SRPK1: variants seen among roughly 807,000 people sequenced by gnomAD.
SRPK1 encodes SRSF protein kinase 1.
A neutral mutation model predicts 89.5 loss-of-function variants in SRPK1; 52 were observed. That is an observed-to-expected ratio of 0.58 (90% CI 0.46 to 0.73). The LOEUF is 0.73. Ranked by LOEUF, SRPK1 falls within the 30% of genes least tolerant of loss-of-function variation. SRPK1 has a pLI of 0.00. For missense variants in SRPK1, 603 were observed against 780.6 expected (o/e 0.77, Z 2.71); for synonymous variants, 255 against 270.2 (o/e 0.94, Z 0.55).
At chr6:35,876,407 CAGAT>C (rs1770158860) in intron 6 of SRPK1, among the ~76,000 whole-genome samples, 1 of 152,146 alleles carries the variant, frequency 6.6e-6, no homozygotes, top group South Asian at 2.1e-4. Context: ...GAGGCCGAGA[CAGAT>C]AGATCCCTTG....
At chr6:35,884,406 G>C (rs924163290) in intron 6 of SRPK1, among the ~76,000 whole-genome samples, 1 of 152,170 alleles carries the variant, frequency 6.6e-6, no homozygotes, top group African/African-American at 2.4e-5. Flanking sequence ...TAGTGGTCCA[G>C]AGAAAAAAAC....
At position 35,842,595 on chromosome 6, in the gene SRPK1, G is replaced by A. The variant is rs749325498; in HGVS notation, c.1630C>T (p.Leu544=). 10 of 1,604,534 alleles carry A rather than the reference G, an allele frequency of 6.2e-6. No homozygotes were observed. In the South Asian group the frequency reaches 1.0e-4, roughly 16 times the overall value. The change falls in exon 14 of 16, where the codon CTG becomes TTG. Residue 544 remains leucine, a synonymous_variant. Coordinates refer to ENST00000373825, the MANE Select transcript of SRPK1 (RefSeq NM_003137.5). ...IWSTACMAFE[L]ATGDYLFEPH... is the part of the protein sequence containing the mutation. ...TCAAACAAATAGTCACCTGTGGCCA[G>A]TTCAAAGGCCTAAAAAAAAAAGAGG...
intron 2 of SRPK1, among the ~76,000 whole-genome samples, chr6:35,897,128 T>TAG (rs1036776853): frequency 2.7e-4 from 41 of 152,162 alleles, no homozygotes; most frequent in African/African-American, 9.9e-4. Flanking sequence ...GCTCTAAACT[T>TAG]AGATCATGGT....
rs1769120482 is a variant in SRPK1 at position 35,834,040 on chromosome 6, A to G, written c.*1264T>C. 1 of 152,634 alleles carries G rather than the reference A, an allele frequency of 6.6e-6. No individual in the cohort carries two copies. The highest frequency in any genetic ancestry group is 2.4e-5 in the African/African-American group (1 of 41,446). 9.5% of individuals were successfully genotyped at this position (152,634 alleles called of 1,614,324 possible). A position where few individuals can be genotyped will look rare whatever the true frequency, so the allele number is the denominator to read the frequency against. Reference sequence around the variant, plus strand: ...AAAAAAAATTGCAAAGTCTTTTCTCAATTAAAACAAAAAAGCCTCAAGTAC... The same window carrying G: ...AAAAAAAATTGCAAAGTCTTTTCTCGATTAAAACAAAAAAGCCTCAAGTAC... On this transcript the variant is annotated 3_prime_UTR_variant, in exon 16 of 16. Coordinates refer to ENST00000373825, the MANE Select transcript of SRPK1 (RefSeq NM_003137.5).
At chr6:35,870,552 T>C in intron 9 of SRPK1, 58 bp from the exon 10 acceptor site, 3 of 1,437,604 alleles carry the variant, frequency 2.1e-6, no homozygotes, top group Non-Finnish European at 2.8e-6. Flanking sequence ...TACCCCCAGT[T>C]GGAGATAGTT....
chr6:35,906,495 G>C (rs1001970673), intron 2 of SRPK1, among the ~76,000 whole-genome samples: 1 of 152,180 alleles, frequency 6.6e-6, no homozygotes, highest in Non-Finnish European at 1.5e-5. Flanking sequence ...AAAGTGCTGA[G>C]ATTACAGATG....
intron 13 of SRPK1, among the ~76,000 whole-genome samples, chr6:35,849,937 T>G (rs1769517603): frequency 6.6e-6 from 1 of 152,032 alleles, no homozygotes; most frequent in Non-Finnish European, 1.5e-5. Context: ...GAAAACAATA[T>G]GAAGTGAAAT....
At chr6:35,874,478 A>G (rs745757599) in intron 6 of SRPK1, 139 bp from the exon 7 acceptor site, 4 of 629,664 alleles carry the variant, frequency 6.4e-6, no homozygotes, top group Non-Finnish European at 1.1e-5. Context: ...ATAAATATGT[A>G]GCTGTTAATA....
intron 12 of SRPK1, among the ~76,000 whole-genome samples, chr6:35,865,794 G>A (rs528492824): frequency 1.3e-5 from 2 of 152,098 alleles, no homozygotes; most frequent in South Asian, 2.1e-4. Flanking sequence ...ATCAACCCAA[G>A]ACCAATTAAA....
At chr6:35,875,955 A>G (rs1367327703) in intron 6 of SRPK1, among the ~76,000 whole-genome samples, 1 of 152,148 alleles carries the variant, frequency 6.6e-6, no homozygotes, top group African/African-American at 2.4e-5. Context: ...ATGCATTCGA[A>G]TGCATATTCT....
chr6:35,901,759 A>C (rs1770743926), intron 2 of SRPK1, among the ~76,000 whole-genome samples: 1 of 152,084 alleles, frequency 6.6e-6, no homozygotes, highest in Admixed American at 6.5e-5. Context: ...AATTTCTCCC[A>C]CTACCTTTTC....
At chr6:35,865,529 A>T (rs1769876636) in intron 12 of SRPK1, among the ~76,000 whole-genome samples, 1 of 152,178 alleles carries the variant, frequency 6.6e-6, no homozygotes, top group Non-Finnish European at 1.5e-5. Context: ...GAGGCATTAC[A>T]CTGTCTGACC....
intron 9 of SRPK1, 72 bp downstream of exon 9, chr6:35,870,862 C>A: frequency 7.8e-7 from 1 of 1,278,980 alleles, no homozygotes; most frequent in South Asian, 1.5e-5. Flanking sequence ...CAAACTGTTA[C>A]CATCCACAAC....
chr6:35,881,224 A>C (rs1770280856), intron 6 of SRPK1, among the ~76,000 whole-genome samples: 1 of 152,148 alleles, frequency 6.6e-6, no homozygotes, highest in South Asian at 2.1e-4. Flanking sequence ...AAGACACTAA[A>C]CAATAACACA....
At chr6:35,864,462 T>A (rs1398574767) in intron 12 of SRPK1, among the ~76,000 whole-genome samples, 1 of 152,162 alleles carries the variant, frequency 6.6e-6, no homozygotes, top group Non-Finnish European at 1.5e-5. Context: ...TCAACATCAC[T>A]GACCATCAGA....
chr6:35,879,173 T>C (rs1050502782), intron 6 of SRPK1, among the ~76,000 whole-genome samples: 4 of 152,126 alleles, frequency 2.6e-5, no homozygotes, highest in African/African-American at 4.8e-5. Flanking sequence ...CAGGAAAAGA[T>C]GCAGACTGAG....
intron 2 of SRPK1, among the ~76,000 whole-genome samples, chr6:35,903,088 A>G (rs1770779503): frequency 6.6e-6 from 1 of 151,966 alleles, no homozygotes. Context: ...AGACCAGCCT[A>G]GGCAACACAG....
chr6:35,851,178 G>A (rs906738657), intron 13 of SRPK1, among the ~76,000 whole-genome samples: 12 of 132,114 alleles, frequency 9.1e-5, no homozygotes, highest in Non-Finnish European at 2.0e-4. Context: ...GTTGGTATTG[G>A]ATTTTTTTTT....
chr6:35,909,477 A>C (rs1770916733), intron 2 of SRPK1, among the ~76,000 whole-genome samples: 1 of 152,126 alleles, frequency 6.6e-6, no homozygotes, highest in African/African-American at 2.4e-5. Flanking sequence ...CTCAGATGAG[A>C]CTTTGGACTT....
Sources: gnomAD v4.1 joint callset for allele counts (sites outside exome capture counted in the v4.1 genomes callset) on GRCh38, gnomAD v4.1.1 for gene constraint, MANE v1.5 for transcripts, NCBI Gene and HGNC (gene_info 2026-07-23, HGNC 2026-07-21) for gene names.